Variants in HOXB1 observed in about 807,000 individuals in gnomAD.
The protein encoded by HOXB1 is homeobox B1.
HOXB1 carries 13 observed loss-of-function variants against 26.9 expected under a neutral mutation model. That is an observed-to-expected ratio of 0.48 (90% CI 0.31 to 0.77). HOXB1 has a LOEUF of 0.77. Ranked by LOEUF, HOXB1 falls within the 30% of genes least tolerant of loss-of-function variation. HOXB1 has a pLI of 0.04. For synonymous variants in HOXB1, 168 were observed against 170.8 expected (o/e 0.98, Z 0.13); for missense variants, 366 against 403.6 (o/e 0.91, Z 0.80).
Position 48,531,011 on chromosome 17 carries a change from C to T in HOXB1, c.-107G>A, listed in dbSNP as rs142572586. 21 of 755,528 alleles carry T rather than the reference C, an allele frequency of 2.8e-5. No individual in the cohort carries two copies. The South Asian group carries it at 3.3e-4, about 12-fold the overall frequency. 46.8% of individuals were successfully genotyped at this position (755,528 alleles called of 1,614,324 possible). A position where few individuals can be genotyped will look rare whatever the true frequency, so the allele number is the denominator to read the frequency against. ...TGGGGCTCGAATCCATGGCCTGACC[C>T]GCTCGCCTGGGCAAGCGCTTCCCTA... On this transcript the variant is annotated 5_prime_UTR_variant, in exon 1 of 2. Coordinates refer to ENST00000239174, the MANE Select transcript of HOXB1 (RefSeq NM_002144.4).
Position 48,530,463 on chromosome 17 carries a change from G to A in HOXB1, c.442C>T (p.Gln148Ter). 6.2e-7 allele frequency: 1 copy of A among 1,614,154 alleles called. No individual in the cohort carries two copies. Among genetic ancestry groups the A allele is most frequent in the Non-Finnish European group, 8.5e-7 (1 of 1,180,006 alleles). Reference protein sequence around the residue: ...PPQHPPYGNEQTASFAPAYAD... With the variant: ...PPQHPPYGNE ...TAGGCCGGTGCAAAGCTCGCGGTCTGCTCGTTCCCATAAGGGGGATGCTGC... is the reference window on the plus strand; with the variant it reads ...TAGGCCGGTGCAAAGCTCGCGGTCTACTCGTTCCCATAAGGGGGATGCTGC... Residue 148 changes from glutamine to a stop codon, truncating the protein, a stop_gained, in exon 1 of 2, where the codon CAG becomes TAG. Transcript: ENST00000239174. LOFTEE classifies it high-confidence loss of function. The surrounding 1 kb of genome is among the most constrained non-coding windows in gnomAD (Gnocchi z 6.2).
Position 48,530,941 on chromosome 17 carries a change from A to G in HOXB1, c.-37T>C, listed in dbSNP as rs764654724. 4 of 1,413,278 alleles carry G rather than the reference A, an allele frequency of 2.8e-6. No homozygotes were observed. The highest frequency in any genetic ancestry group is 3.8e-6 in the Non-Finnish European group (4 of 1,047,022). The allele number at this position is 1,413,278 out of a possible 1,614,324, so 87.5% of individuals were successfully genotyped here. ...GCAGGAGGGTCGGCCCGTTTGGGGG[A>G]GACACCCTCTTGCCCTACAACCTTT... On this transcript the variant is annotated 5_prime_UTR_variant, in exon 1 of 2. Coordinates refer to ENST00000239174, the MANE Select transcript of HOXB1 (RefSeq NM_002144.4). This position sits in a 1 kb window ranked among gnomAD's most constrained non-coding sequence, Gnocchi z 6.2.
Position 48,530,971 on chromosome 17 carries a change from A to T in HOXB1, c.-67T>A. 8.7e-7 allele frequency: 1 copy of T among 1,143,710 alleles called. No homozygotes were observed. Among genetic ancestry groups the T allele is most frequent in the East Asian group, 2.4e-5 (1 of 41,608 alleles). The allele number at this position is 1,143,710 out of a possible 1,614,324, so 70.8% of individuals were successfully genotyped here. On this transcript the variant is annotated 5_prime_UTR_variant, in exon 1 of 2. Coordinates refer to ENST00000239174, the MANE Select transcript of HOXB1 (RefSeq NM_002144.4). The surrounding 1 kb of genome is among the most constrained non-coding windows in gnomAD (Gnocchi z 6.2). ...CCCTCTTGCCCTACAACCTTTCGGC[A>T]GTATGTCACAGCGCTGGGGCTCGAA... is the stretch of plus-strand genomic sequence containing the variant.
rs1275593018 is a variant in HOXB1 at position 48,530,654 on chromosome 17, T to C, written c.251A>G (p.Tyr84Cys). The C allele has an allele frequency of 6.2e-7, 1 of 1,613,794 alleles. No homozygotes were observed. The highest frequency in any genetic ancestry group is 1.7e-5 in the Admixed American group (1 of 60,016). ...VPFPSSAPSG[Y>C]APAACSPSYG... ...GCTGGGGCTGCAGGCGGCAGGAGCATACCCCGAGGGCGCGGAGCTGGGGAA... is the reference window on the plus strand; with the variant it reads ...GCTGGGGCTGCAGGCGGCAGGAGCACACCCCGAGGGCGCGGAGCTGGGGAA... The change falls in exon 1 of 2, where the codon TAT becomes TGT. Residue 84 changes from tyrosine to cysteine, a missense_variant. Tyr to Cys is a radical substitution (Grantham distance 194). Coordinates refer to ENST00000239174, the MANE Select transcript of HOXB1 (RefSeq NM_002144.4). This position sits in a 1 kb window ranked among gnomAD's most constrained non-coding sequence, Gnocchi z 6.2.
At position 48,529,297 on chromosome 17, in the gene HOXB1, C is replaced by T; in HGVS notation, c.*250G>A. On this transcript the variant is annotated 3_prime_UTR_variant, in exon 2 of 2. Transcript: ENST00000239174. ...TGATCCCCAGATCAAAGGCAGAAGC[C>T]CTTCCCTCTACATTTGACAGGTTCC... The T allele has an allele frequency of 5.4e-6, 2 of 371,768 alleles. No individual in the cohort carries two copies. The highest frequency in any genetic ancestry group is 9.6e-6 in the Non-Finnish European group (2 of 207,546). 23.0% of individuals were successfully genotyped at this position (371,768 alleles called of 1,614,324 possible).
Position 48,530,478 on chromosome 17 carries a change from G to A in HOXB1, c.427C>T (p.Pro143Ser), listed in dbSNP as rs777134943. 1.7e-5 allele frequency: 27 copies of A among 1,614,034 alleles called. No homozygotes were observed. The highest frequency in any genetic ancestry group is 5.0e-5 in the Admixed American group (3 of 60,006). ...GPGPYPPQHP[P>S]YGNEQTASFA... ...CTCGCGGTCTGCTCGTTCCCATAAG[G>A]GGGATGCTGCGGAGGATATGGCCCC... is the stretch of plus-strand genomic sequence containing the variant. The change falls in exon 1 of 2, where the codon CCT (proline) becomes TCT (serine). Residue 143 changes from proline (P) to serine (S), a missense_variant. Transcript: ENST00000239174. This position sits in a 1 kb window ranked among gnomAD's most constrained non-coding sequence, Gnocchi z 6.2.
In HOXB1 at chr17:48,529,421, G is replaced by T; in HGVS notation, c.*126C>A. On this transcript the variant is annotated 3_prime_UTR_variant, in exon 2 of 2. Coordinates refer to ENST00000239174, the MANE Select transcript of HOXB1 (RefSeq NM_002144.4). ...TCCCACCCCCAGGCAGCTCTAAACTGGCATTTCAGCCCTAGAGAGGATCCC... is the reference window on the plus strand; with the variant it reads ...TCCCACCCCCAGGCAGCTCTAAACTTGCATTTCAGCCCTAGAGAGGATCCC... The T allele has an allele frequency of 8.2e-6, 5 of 612,630 alleles. No individual in the cohort carries two copies. The highest frequency in any genetic ancestry group is 1.0e-5 in the Non-Finnish European group (4 of 391,258). The allele number at this position is 612,630 out of a possible 1,614,324, so 37.9% of individuals were successfully genotyped here.
At position 48,529,649 on chromosome 17, in the gene HOXB1, G is replaced by C; in HGVS notation, c.804C>G (p.Val268=). ...TGGGGCAGCCTGGTGGGGCTGGGGG[G>C]ACCCGACCTTCCTCTCGCTCGCGCT... is the stretch of plus-strand genomic sequence containing the variant. ...QKKREREEGR[V]PPAPPGCPKE... is the part of the protein sequence containing the mutation. Residue 268 remains valine (V), a synonymous_variant, in exon 2 of 2, where the codon GTC becomes GTG. Coordinates refer to ENST00000239174, the MANE Select transcript of HOXB1 (RefSeq NM_002144.4). 2.5e-6 allele frequency: 4 copies of C among 1,609,154 alleles called. No homozygotes were observed. The highest frequency in any genetic ancestry group is 3.4e-6 in the Non-Finnish European group (4 of 1,176,178).
In HOXB1 at chr17:48,530,844, C is replaced by G. The variant is rs2068434360; in HGVS notation, c.61G>C (p.Ala21Pro). The G allele has an allele frequency of 6.4e-7, 1 of 1,565,276 alleles. No individual in the cohort carries two copies. The highest frequency in any genetic ancestry group is 1.4e-5 in the African/African-American group (1 of 73,096). Residue 21 changes from alanine to proline, a missense_variant, in exon 1 of 2, where the codon GCC becomes CCC. Coordinates refer to ENST00000239174, the MANE Select transcript of HOXB1 (RefSeq NM_002144.4). The surrounding 1 kb of genome is among the most constrained non-coding windows in gnomAD (Gnocchi z 6.2). ...EYPLCNRGPS[A>P]YSAHSAPTSF... ...GTTGGGGCGCTGTGGGCGCTGTAGG[C>G]GCTGGGTCCCCGGTTACAGAGTGGG...
In HOXB1 at chr17:48,530,238, A is replaced by T; in HGVS notation, c.577+90T>A. 2 of 1,198,776 alleles carry T rather than the reference A, an allele frequency of 1.7e-6. No homozygotes were observed. The highest frequency in any genetic ancestry group is 2.4e-6 in the Non-Finnish European group (2 of 834,322). The allele number at this position is 1,198,776 out of a possible 1,614,324, so 74.3% of individuals were successfully genotyped here. A position where few individuals can be genotyped will look rare whatever the true frequency, so the allele number is the denominator to read the frequency against. On this transcript the variant is annotated intron_variant, in intron 1 of 1. Transcript: ENST00000239174. This position sits in a 1 kb window ranked among gnomAD's most constrained non-coding sequence, Gnocchi z 6.2. The stretch of plus-strand genomic sequence containing the variant: ...TGTCTACCAGAGCCGCTGAAAGAGA[A>T]GAACCCAGCCCAGACCCAGGACATG...
rs1439504503 is a variant in HOXB1 at position 48,530,306 on chromosome 17, G to A, written c.577+22C>T. 1.3e-6 allele frequency: 2 copies of A among 1,595,826 alleles called. No individual in the cohort carries two copies. The highest frequency in any genetic ancestry group is 1.3e-5 in the African/African-American group (1 of 74,684). On this transcript the variant is annotated intron_variant, in intron 1 of 1. Transcript: ENST00000239174. This position sits in a 1 kb window ranked among gnomAD's most constrained non-coding sequence, Gnocchi z 6.2. ...GAGATGCTTTGGGCCCCGGAGAAGGGGTGGCCACATCTGAGCCCTACCTGT... is the reference window on the plus strand; with the variant it reads ...GAGATGCTTTGGGCCCCGGAGAAGGAGTGGCCACATCTGAGCCCTACCTGT...
intron 1 of HOXB1, 99 bp from the exon 2 acceptor site, chr17:48,529,974 T>C: frequency 9.3e-7 from 1 of 1,075,746 alleles, no homozygotes; most frequent in Non-Finnish European, 1.3e-6. Flanking sequence ...CCATTTGCCA[T>C]TCTGCCCAAG....
In HOXB1 at chr17:48,529,635, G is replaced by A; in HGVS notation, c.818C>T (p.Pro273Leu). 1.2e-6 allele frequency: 2 copies of A among 1,604,730 alleles called. No individual in the cohort carries two copies. Among genetic ancestry groups the A allele is most frequent in the South Asian group, 2.2e-5 (2 of 90,358 alleles). The change falls in exon 2 of 2, where the codon CCA (proline) becomes CTA (leucine). Residue 273 changes from proline to leucine, a missense_variant. Coordinates refer to ENST00000239174, the MANE Select transcript of HOXB1 (RefSeq NM_002144.4). ...TCCAGCTGCCTCCTTGGGGCAGCCT[G>A]GTGGGGCTGGGGGGACCCGACCTTC... Reference protein sequence around the residue: ...REEGRVPPAPPGCPKEAAGDA... With the variant: ...REEGRVPPAPLGCPKEAAGDA...
In HOXB1 at chr17:48,529,229, G is replaced by T. The variant is rs897007208; in HGVS notation, c.*318C>A. 7 of 256,976 alleles carry T rather than the reference G, an allele frequency of 2.7e-5. No homozygotes were observed. The allele number at this position is 256,976 out of a possible 1,614,324, so 15.9% of individuals were successfully genotyped here. ...AAGGGAAAGGAGGATGAATCCAGGA[G>T]GATGAGGCTGGCCCCCACCCCCACC... On this transcript the variant is annotated 3_prime_UTR_variant, in exon 2 of 2. Transcript: ENST00000239174.
chr17:48,530,560 G>A lies in HOXB1; in HGVS notation c.345C>T (p.Ser115=). ...ACAAGCCCCCTAGCTGGGCCCCGTA[G>A]CTCGAGGGATGAAAATAGCCTCCGT... ...EGDGGYFHPS[S]YGAQLGGLSD... The change falls in exon 1 of 2, where the codon AGC becomes AGT. Residue 115 remains serine, a synonymous_variant. Coordinates refer to ENST00000239174, the MANE Select transcript of HOXB1 (RefSeq NM_002144.4). The surrounding 1 kb of genome is among the most constrained non-coding windows in gnomAD (Gnocchi z 6.2). The A allele has an allele frequency of 6.2e-7, 1 of 1,614,118 alleles. No homozygotes were observed. The highest frequency in any genetic ancestry group is 8.5e-7 in the Non-Finnish European group (1 of 1,180,018).
rs750705512 is a variant in HOXB1 at position 48,529,838 on chromosome 17, G to A, written c.615C>T (p.Gly205=). 2 of 1,595,960 alleles carry A rather than the reference G, an allele frequency of 1.3e-6. No homozygotes were observed. Among genetic ancestry groups the A allele is most frequent in the Non-Finnish European group, 1.7e-6 (2 of 1,176,386 alleles). ...GCCTTGTGGTGAAGTTGGTGCGGAG[G>A]CCACTGGGCGAGCCCAGGCCTGGCT... is the stretch of plus-strand genomic sequence containing the variant. ...VSEPGLGSPS[G]LRTNFTTRQL... The change falls in exon 2 of 2, where the codon GGC becomes GGT. Residue 205 remains glycine, a synonymous_variant. Coordinates refer to ENST00000239174, the MANE Select transcript of HOXB1 (RefSeq NM_002144.4).
chr17:48,530,490 G>T lies in HOXB1; in HGVS notation c.415C>A (p.Pro139Thr). 6.2e-7 allele frequency: 1 copy of T among 1,614,088 alleles called. No individual in the cohort carries two copies. Among genetic ancestry groups the T allele is most frequent in the Non-Finnish European group, 8.5e-7 (1 of 1,179,968 alleles). ...AGGAGPGPYP[P>T]QHPPYGNEQT... ...TCGTTCCCATAAGGGGGATGCTGCGGAGGATATGGCCCCGGACCGGCTCCA... is the reference window on the plus strand; with the variant it reads ...TCGTTCCCATAAGGGGGATGCTGCGTAGGATATGGCCCCGGACCGGCTCCA... The change falls in exon 1 of 2, where the codon CCG (proline) becomes ACG (threonine). Residue 139 changes from proline to threonine, a missense_variant. Pro to Thr is a conservative substitution (Grantham distance 38, BLOSUM62 -1). Transcript: ENST00000239174. The surrounding 1 kb of genome is among the most constrained non-coding windows in gnomAD (Gnocchi z 6.2).
Position 48,529,224 on chromosome 17 carries a change from C to A in HOXB1, c.*323G>T. 4.0e-6 allele frequency: 1 copy of A among 248,052 alleles called. No homozygotes were observed. The highest frequency in any genetic ancestry group is 7.7e-6 in the Non-Finnish European group (1 of 129,752). 15.4% of individuals were successfully genotyped at this position (248,052 alleles called of 1,614,324 possible). A position where few individuals can be genotyped will look rare whatever the true frequency, so the allele number is the denominator to read the frequency against. ...GTTGGAAGGGAAAGGAGGATGAATC[C>A]AGGAGGATGAGGCTGGCCCCCACCC... On this transcript the variant is annotated 3_prime_UTR_variant, in exon 2 of 2. Coordinates refer to ENST00000239174, the MANE Select transcript of HOXB1 (RefSeq NM_002144.4).
rs1199602482 is a variant in HOXB1, at chr17:48,528,813, G to C, written c.*734C>G. On this transcript the variant is annotated 3_prime_UTR_variant, in exon 2 of 2. Transcript: ENST00000239174. The stretch of plus-strand genomic sequence containing the variant: ...GCACCTTCCTGGTTGTGGCTTGCTG[G>C]GGGCAGGCCTTGCACGGCGTTCCAG... The C allele has an allele frequency of 7.2e-5, 11 of 152,190 alleles. No individual in the cohort carries two copies. Among genetic ancestry groups the C allele is most frequent in the Admixed American group, 7.2e-4 (11 of 15,266 alleles). The allele number at this position is 152,190 out of a possible 1,614,324, so 9.4% of individuals were successfully genotyped here.
Sources: allele counts gnomAD v4.1 joint callset, GRCh38; gene constraint gnomAD v4.1.1; non-coding constraint Gnocchi (gnomAD v3.1); transcripts MANE v1.5; gene names NCBI Gene and HGNC (gene_info 2026-07-23, HGNC 2026-07-21).